Variants in UBE4A observed in about 807,000 individuals in gnomAD.
UBE4A encodes ubiquitination factor E4A, also known as ubiquitin conjugation factor E4 A.
In UBE4A, 48 loss-of-function variants were observed where a neutral mutation model predicts 117.9. The observed-to-expected ratio is 0.41, with a 90% confidence interval of 0.32 to 0.52. The LOEUF (loss-of-function observed/expected upper bound fraction) is 0.52. Ranked by LOEUF, UBE4A falls within the 20% of genes least tolerant of loss-of-function variation. The pLI is 0.33. For missense variants in UBE4A, 1,067 were observed against 1,296.3 expected (o/e 0.82, Z 2.72); for synonymous variants, 407 against 450.0 (o/e 0.90, Z 1.21).
intron 1 of UBE4A, among the ~76,000 whole-genome samples, chr11:118,364,056 T>G (rs1360973059): frequency 6.6e-6 from 1 of 152,106 alleles, no homozygotes; most frequent in Non-Finnish European, 1.5e-5. Flanking sequence ...CAGTTCAAGA[T>G]CCTTATGAAC....
At chr11:118,394,980 AG>A (rs1555129318) in intron 19 of UBE4A, among the ~76,000 whole-genome samples, 3 of 152,152 alleles carry the variant, frequency 2.0e-5, no homozygotes, top group Non-Finnish European at 4.4e-5. Context: ...ATAAACAGAT[AG>A]ATACATGTGG....
At position 118,368,757 on chromosome 11, in the gene UBE4A, A is replaced by C; in HGVS notation, c.248A>C (p.Asn83Thr). The C allele has an allele frequency of 6.2e-7, 1 of 1,614,194 alleles. No individual in the cohort carries two copies. Among genetic ancestry groups the C allele is most frequent in the Non-Finnish European group, 8.5e-7 (1 of 1,180,026 alleles). ...CAGCAGGAAATATGTGAGCAACTCA[A>C]CATCAATCACATGATCCAAAGGATC... ...RSQQEICEQL[N>T]INHMIQRIFL... Residue 83 changes from asparagine (N) to threonine (T), a missense_variant, in exon 3 of 20, where the codon AAC becomes ACC. Around this residue, in one of 3 missense-constraint regions of UBE4A, gnomAD observed 1,001 missense variants for 1,184.0 expected, o/e 0.85. Transcript: ENST00000252108.
Position 118,398,283 on chromosome 11 carries a change from A to C in UBE4A, c.*1843A>C, listed in dbSNP as rs1320966662. ...AGTTAACAACCCCCATGCTGCCTCCAGTCTTTGTCTGTATTCTTCTGTATT... is the reference window on the plus strand; with the variant it reads ...AGTTAACAACCCCCATGCTGCCTCCCGTCTTTGTCTGTATTCTTCTGTATT... On this transcript the variant is annotated 3_prime_UTR_variant, in exon 20 of 20. Transcript: ENST00000252108. 3 of 152,548 alleles carry C rather than the reference A, an allele frequency of 2.0e-5. No homozygotes were observed. The highest frequency in any genetic ancestry group is 4.4e-5 in the Non-Finnish European group (3 of 68,046). The allele number at this position is 152,548 out of a possible 1,614,324, so 9.4% of individuals were successfully genotyped here. A position where few individuals can be genotyped will look rare whatever the true frequency, so the allele number is the denominator to read the frequency against.
At chr11:118,390,407 T>C (rs1948801668) in intron 17 of UBE4A, among the ~76,000 whole-genome samples, 1 of 146,280 alleles carries the variant, frequency 6.8e-6, no homozygotes, top group African/African-American at 2.5e-5. Flanking sequence ...TATAATTTAT[T>C]ATTATATTTT....
At chr11:118,394,461 T>C (rs1168970743) in intron 19 of UBE4A, among the ~76,000 whole-genome samples, 1 of 152,144 alleles carries the variant, frequency 6.6e-6, no homozygotes, top group African/African-American at 2.4e-5. Context: ...TTGTTTGGCC[T>C]CTCCATATTT....
intron 9 of UBE4A, 46 bp downstream of exon 9, chr11:118,375,275 TAAC>T (rs782346034): frequency 5.1e-5 from 75 of 1,477,580 alleles, no homozygotes; most frequent in South Asian, 1.1e-4. Flanking sequence ...TGTGTGTGTG[TAAC>T]GTGTAAAGCA....
At chr11:118,373,014 G>C in intron 6 of UBE4A, 72 bp from the exon 7 acceptor site, 1 of 1,249,772 alleles carries the variant, frequency 8.0e-7, no homozygotes, top group Non-Finnish European at 1.1e-6. Flanking sequence ...ATTATTGAAA[G>C]TAAAGAGCTA....
At chr11:118,378,043 C>A (rs1948668988) in intron 10 of UBE4A, among the ~76,000 whole-genome samples, 1 of 151,932 alleles carries the variant, frequency 6.6e-6, no homozygotes. Flanking sequence ...GTCAGGAGAT[C>A]AAGACCGTCC....
intron 5 of UBE4A, 110 bp from the exon 6 acceptor site, chr11:118,372,397 T>A: frequency 9.0e-7 from 1 of 1,111,362 alleles, no homozygotes; most frequent in Non-Finnish European, 1.2e-6. Context: ...TAATTAATTT[T>A]CAAGCATCCA....
chr11:118,372,572 T>C lies in UBE4A; in HGVS notation c.627T>C (p.Asn209=). 6.2e-7 allele frequency: 1 copy of C among 1,614,136 alleles called. No homozygotes were observed. The highest frequency in any genetic ancestry group is 1.3e-5 in the African/African-American group (1 of 75,028). The part of the protein sequence containing the change: ...AVQCRNLTVS[N]TRTVLLTPEI... Reference sequence around the variant, plus strand: ...AGTGCAGAAACCTCACTGTGTCCAATACCCGAACAGTTCTTCTCACCCCAG... The same window carrying C: ...AGTGCAGAAACCTCACTGTGTCCAACACCCGAACAGTTCTTCTCACCCCAG... Residue 209 remains asparagine (N), a synonymous_variant, in exon 6 of 20, where the codon AAT becomes AAC. Transcript: ENST00000252108.
intron 10 of UBE4A, among the ~76,000 whole-genome samples, chr11:118,377,218 T>C (rs1472017175): frequency 1.3e-5 from 2 of 152,144 alleles, no homozygotes; most frequent in African/African-American, 2.4e-5. Context: ...TCGTTGTCGT[T>C]GTTGTTGAAA....
intron 5 of UBE4A, among the ~76,000 whole-genome samples, 182 bp downstream of exon 5, chr11:118,371,848 G>A (rs1948612812): frequency 1.3e-5 from 2 of 152,118 alleles, no homozygotes; most frequent in Non-Finnish European, 2.9e-5. Flanking sequence ...TTAGAACACT[G>A]GATATCAGAT....
chr11:118,396,547 CTTTT>C lies in UBE4A; in HGVS notation c.*122_*125del, dbSNP rs5795126. 1,055 of 815,280 alleles carry C rather than the reference CTTTT, an allele frequency of 1.3e-3. No homozygotes were observed. The highest frequency in any genetic ancestry group is 2.7e-3 in the Middle Eastern group (7 of 2,570). The allele number at this position is 815,280 out of a possible 1,614,324, so 50.5% of individuals were successfully genotyped here. ...TCCTTTTCTTTCTTCTTTTCTTTTT[CTTTT>C]TTTTTTTTTTTTTTACTAAATTAGA... On this transcript the variant is annotated 3_prime_UTR_variant, in exon 20 of 20. Coordinates refer to ENST00000252108, the MANE Select transcript of UBE4A (RefSeq NM_001204077.2).
Position 118,368,817 on chromosome 11 carries a change from C to T in UBE4A, c.295+13C>T, listed in dbSNP as rs1396188324. On this transcript the variant is annotated intron_variant, in intron 3 of 19. Transcript: ENST00000252108. ...ACTCTGGACAACAGTGAGTTACAAA[C>T]TTATAGCATTATTCTACCCTTCCTA... 4 of 1,613,524 alleles carry T rather than the reference C, an allele frequency of 2.5e-6. No homozygotes were observed. The highest frequency in any genetic ancestry group is 3.4e-6 in the Non-Finnish European group (4 of 1,179,558).
intron 11 of UBE4A, 34 bp downstream of exon 11, chr11:118,379,784 A>G (rs1555125995): frequency 1.1e-5 from 17 of 1,581,272 alleles, no homozygotes; most frequent in Non-Finnish European, 1.4e-5. Context: ...TGTCCTGTTT[A>G]TAGCCTTCTG....
At position 118,372,354 on chromosome 11, in the gene UBE4A, A is replaced by G. The variant is rs191531423; in HGVS notation, c.562-153A>G. Among the ~76,000 whole-genome samples the G allele has an allele frequency of 1.1e-4, 16 of 152,354 alleles. No individual in the cohort carries two copies. The East Asian group carries it at 3.1e-3, about 29-fold the overall frequency. On this transcript the variant is annotated intron_variant, in intron 5 of 19. Transcript: ENST00000252108. ...CAGGTTTGGAATTTTAAATAGGCAG[A>G]TAGATGATTCCTTAAGCCAAGGAAG...
intron 16 of UBE4A, 28 bp downstream of exon 16, chr11:118,386,640 C>T: frequency 6.0e-6 from 9 of 1,494,524 alleles, no homozygotes; most frequent in Non-Finnish European, 8.0e-6. Context: ...TGCTTCCCCC[C>T]AAAAAAGTAA....
chr11:118,394,952 G>A (rs1948855948), intron 19 of UBE4A, among the ~76,000 whole-genome samples: 1 of 152,066 alleles, frequency 6.6e-6, no homozygotes, highest in Non-Finnish European at 1.5e-5. Context: ...GGGCAGCAGA[G>A]CAAGACACCG....
At chr11:118,377,102 C>T (rs1948659590) in intron 10 of UBE4A, among the ~76,000 whole-genome samples, 1 of 151,936 alleles carries the variant, frequency 6.6e-6, no homozygotes, top group Non-Finnish European at 1.5e-5. Context: ...TGAGCTTATT[C>T]TAAAGGTTCA....
Sources: gnomAD v4.1 joint callset for allele counts (sites outside exome capture counted in the v4.1 genomes callset) on GRCh38, gnomAD v4.1.1 for gene constraint, gnomAD v4.1.1 regional missense constraint, MANE v1.5 for transcripts, NCBI Gene and HGNC (gene_info 2026-07-23, HGNC 2026-07-21) for gene names.